Variants in ERBB4 observed in about 807,000 individuals in gnomAD.
The protein encoded by ERBB4 is erb-b2 receptor tyrosine kinase 4.
Under a neutral mutation model 158.0 loss-of-function variants are expected in ERBB4, and 42 were observed. The observed-to-expected ratio is 0.27, with a 90% CI of 0.21 to 0.34. The LOEUF (loss-of-function observed/expected upper bound fraction) is 0.34. Ranked by LOEUF, ERBB4 falls within the 10% of genes least tolerant of loss-of-function variation. The probability of loss-of-function intolerance (pLI) is 1.00; values close to 1 mark genes in which losing one functional copy is unlikely to be tolerated. For synonymous variants in ERBB4, 583 were observed against 558.7 expected (o/e 1.04, Z -0.61); for missense variants, 1,333 against 1,624.1 (o/e 0.82, Z 3.08).
At chr2:211,697,809 T>C (rs192128062) in intron 12 of ERBB4, among the ~76,000 whole-genome samples, 2 of 152,334 alleles carry the variant, frequency 1.3e-5, no homozygotes, top group East Asian at 3.9e-4. Context: ...TTTTGGAAGA[T>C]GACGTGGAAA....
intron 3 of ERBB4, among the ~76,000 whole-genome samples, chr2:211,912,698 C>A (rs1229800864): frequency 1.3e-5 from 2 of 152,156 alleles, no homozygotes; most frequent in Admixed American, 1.3e-4. Flanking sequence ...GGACAACAGA[C>A]TGAGGTGGCT....
chr2:211,909,078 C>T (rs1475740510), intron 3 of ERBB4, among the ~76,000 whole-genome samples: 1 of 151,442 alleles, frequency 6.6e-6, no homozygotes, highest in Non-Finnish European at 1.5e-5. Context: ...AACAAGTAAG[C>T]TACATACCCT....
chr2:211,452,954 T>C (rs1375871420), intron 20 of ERBB4, among the ~76,000 whole-genome samples: 2 of 152,240 alleles, frequency 1.3e-5, no homozygotes, highest in African/African-American at 2.4e-5. Flanking sequence ...TGTTTTAATA[T>C]AGTTAGAAAG....
intron 1 of ERBB4, among the ~76,000 whole-genome samples, chr2:212,461,245 G>A (rs1283107638): frequency 6.6e-6 from 1 of 152,156 alleles, no homozygotes; most frequent in Non-Finnish European, 1.5e-5. Context: ...CATGTGCCTG[G>A]AAAAGTAGCA....
intron 2 of ERBB4, among the ~76,000 whole-genome samples, chr2:211,948,985 C>T (rs796587653): frequency 1.1e-4 from 17 of 152,240 alleles, no homozygotes; most frequent in African/African-American, 3.9e-4. Flanking sequence ...CTCTGGCAGC[C>T]TTCCTCATCT....
At chr2:211,429,598 A>C (rs1391621056) in intron 21 of ERBB4, among the ~76,000 whole-genome samples, 1 of 152,218 alleles carries the variant, frequency 6.6e-6, no homozygotes, top group Non-Finnish European at 1.5e-5. Context: ...TATGGAATAA[A>C]GATAAACACT....
intron 1 of ERBB4, among the ~76,000 whole-genome samples, chr2:212,134,641 T>G (rs189291318): frequency 6.6e-6 from 1 of 150,590 alleles, no homozygotes; most frequent in Admixed American, 6.6e-5. Flanking sequence ...CCCAAAGTGA[T>G]AAAACGTAGA....
chr2:211,778,789 A>T (rs1050233893), intron 4 of ERBB4: 2 of 152,182 alleles, frequency 1.3e-5, no homozygotes, highest in Non-Finnish European at 2.9e-5. Flanking sequence ...CCCTCCAGCT[A>T]TATCCCAATA....
intron 25 of ERBB4, among the ~76,000 whole-genome samples, chr2:211,396,397 T>TAA (rs1173228235): frequency 6.6e-6 from 1 of 152,122 alleles, no homozygotes; most frequent in Non-Finnish European, 1.5e-5. Context: ...AAACCATGTA[T>TAA]AAGAGTTCTA....
At chr2:212,220,403 T>A (rs2083256022) in intron 1 of ERBB4, among the ~76,000 whole-genome samples, 1 of 151,394 alleles carries the variant, frequency 6.6e-6, no homozygotes, top group Admixed American at 6.6e-5. Context: ...TTATTCGCCA[T>A]CCCAAATGCC....
Position 211,722,384 on chromosome 2 carries a change from G to A in ERBB4, c.883+9C>T. ...TAATTAATTTGGTTATTCTTATTCT[G>A]TTACTTACGTGGACATTTCTTGACA... On this transcript the variant is annotated intron_variant, in intron 7 of 27. Transcript: ENST00000342788. The A allele has an allele frequency of 6.2e-7, 1 of 1,608,352 alleles. No homozygotes were observed. Among genetic ancestry groups the A allele is most frequent in the Non-Finnish European group, 8.5e-7 (1 of 1,174,890 alleles).
At position 212,191,931 on chromosome 2, in the gene ERBB4, TTA is replaced by T. The variant is rs1239940282; in HGVS notation, c.83-67030_83-67029del. 5.8e-5 allele frequency among the ~76,000 whole-genome samples: 7 copies of T among 119,836 alleles called. 1 individual carries two copies. Among genetic ancestry groups the T allele is most frequent in the African/African-American group, 1.5e-4 (5 of 33,270 alleles). The allele number at this position is 119,836 out of a possible 152,430, so 78.6% of individuals were successfully genotyped here. On this transcript the variant is annotated intron_variant, in intron 1 of 27. Coordinates refer to ENST00000342788, the MANE Select transcript of ERBB4 (RefSeq NM_005235.3). ...ATACATATGTTATATATGTTATATATTATATATGATGCATATGTTATATATGT... is the reference window on the plus strand; with the variant it reads ...ATACATATGTTATATATGTTATATATTATATGATGCATATGTTATATATGT...
chr2:211,877,189 T>G (rs1278897605), intron 3 of ERBB4, among the ~76,000 whole-genome samples: 1 of 152,204 alleles, frequency 6.6e-6, no homozygotes, highest in Non-Finnish European at 1.5e-5. Flanking sequence ...CCTTCTTGCT[T>G]CTTGTCAGCT....
intron 12 of ERBB4, among the ~76,000 whole-genome samples, chr2:211,691,614 C>T (rs1302802713): frequency 1.9e-5 from 2 of 107,654 alleles, no homozygotes. Flanking sequence ...ATATATATAA[C>T]AGATTGCTGA....
At chr2:211,955,837 C>T (rs1181210568) in intron 2 of ERBB4, among the ~76,000 whole-genome samples, 5 of 152,136 alleles carry the variant, frequency 3.3e-5, no homozygotes, top group Non-Finnish European at 5.9e-5. Flanking sequence ...GATCTGAGTG[C>T]TGCCCAATTC....
chr2:212,342,343 C>A (rs112297307), intron 1 of ERBB4, among the ~76,000 whole-genome samples: 1 of 151,990 alleles, frequency 6.6e-6, no homozygotes, highest in Non-Finnish European at 1.5e-5. Flanking sequence ...GGGTTTTTCC[C>A]GTGCTGTTCT....
rs139645074 is a variant in ERBB4, at chr2:211,544,764, G to A, written c.2487+17139C>T. ...TTAAGAGAAGTACTCTATGTACCTC[G>A]TTTGCATGACTTCAGTGAAAATGTT... is the stretch of plus-strand genomic sequence containing the variant. On this transcript the variant is annotated intron_variant, in intron 20 of 27. Transcript: ENST00000342788. Among the ~76,000 whole-genome samples the A allele has an allele frequency of 1.9e-3, 252 of 130,344 alleles. 1 individual carries two copies. The highest frequency in any genetic ancestry group is 5.8e-3 in the African/African-American group (234 of 40,198). 85.5% of individuals were successfully genotyped at this position (130,344 alleles called of 152,430 possible). A position where few individuals can be genotyped will look rare whatever the true frequency, so the allele number is the denominator to read the frequency against.
At chr2:212,028,280 G>A (rs1030159134) in intron 2 of ERBB4, among the ~76,000 whole-genome samples, 5 of 151,876 alleles carry the variant, frequency 3.3e-5, no homozygotes, top group Admixed American at 2.6e-4. Context: ...AAGTGGATAA[G>A]CCAAAACCTT....
Position 211,965,712 on chromosome 2 carries a change from T to C in ERBB4, c.235-18096A>G, listed in dbSNP as rs1456872453. Among the ~76,000 whole-genome samples the C allele has an allele frequency of 3.3e-5, 5 of 152,244 alleles. No homozygotes were observed. The East Asian group carries it at 9.6e-4, about 29-fold the overall frequency. ...AGATTCTGAATAATTGATCTAACAT[T>C]GACTTGAAAAGAAAATCCTTCTCAC... On this transcript the variant is annotated intron_variant, in intron 2 of 27. Coordinates refer to ENST00000342788, the MANE Select transcript of ERBB4 (RefSeq NM_005235.3).
Sources: allele counts gnomAD v4.1 joint callset (sites outside exome capture counted in the v4.1 genomes callset), GRCh38; gene constraint gnomAD v4.1.1; transcripts MANE v1.5; gene names NCBI Gene and HGNC (gene_info 2026-07-23, HGNC 2026-07-21).